The following TEX26 variants were observed in gnomAD, a reference collection of about 807,000 sequenced individuals.
TEX26 encodes the protein testis-expressed protein 26.
In TEX26, 34 loss-of-function variants were observed where a neutral mutation model predicts 35.3. That is an observed-to-expected ratio of 0.96 (90% CI 0.73 to 1.28). The LOEUF (loss-of-function observed/expected upper bound fraction) is 1.28, where lower values mean the gene tolerates loss of function less well. TEX26 is among the 50% of genes most tolerant of loss of function. TEX26 has a pLI of 0.00. For missense variants in TEX26, 371 were observed against 330.1 expected (o/e 1.12, Z -0.96); for synonymous variants, 136 against 111.8 (o/e 1.22, Z -1.36).
At chr13:30,942,398 T>G (rs1322589555) in intron 2 of TEX26, among the ~76,000 whole-genome samples, 1 of 152,140 alleles carries the variant, frequency 6.6e-6, no homozygotes, top group Admixed American at 6.5e-5. Context: ...TTTGAGTTCC[T>G]TGTAGATTTG....
Position 30,974,889 on chromosome 13 carries a change from T to C in TEX26, c.852T>C (p.Thr284=). ...IDRFIRTHCD[T]NKKKK ...GCTTTATTCGTACTCACTGTGACACTAACAAAAAGAAGAAATGAAAAGGGA... is the reference window on the plus strand; with the variant it reads ...GCTTTATTCGTACTCACTGTGACACCAACAAAAAGAAGAAATGAAAAGGGA... Residue 284 remains threonine, a synonymous_variant, in exon 7 of 7, where the codon ACT becomes ACC. Transcript: ENST00000380473. The C allele has an allele frequency of 6.4e-7, 1 of 1,564,926 alleles. No individual in the cohort carries two copies. Among genetic ancestry groups the C allele is most frequent in the Non-Finnish European group, 8.6e-7 (1 of 1,159,164 alleles).
intron 2 of TEX26, among the ~76,000 whole-genome samples, chr13:30,947,092 A>G (rs891968090): frequency 6.6e-6 from 1 of 152,140 alleles, no homozygotes; most frequent in Non-Finnish European, 1.5e-5. Context: ...ATTTTTAAAC[A>G]TGTTATATGA....
chr13:30,953,805 T>C (rs575395184), intron 3 of TEX26, among the ~76,000 whole-genome samples: 1 of 152,358 alleles, frequency 6.6e-6, no homozygotes, highest in East Asian at 1.9e-4. Context: ...AAGGTAATGC[T>C]TTGTTGTAGT....
chr13:30,948,096 T>A (rs1781584142), intron 2 of TEX26, among the ~76,000 whole-genome samples: 2 of 152,210 alleles, frequency 1.3e-5, no homozygotes, highest in South Asian at 4.1e-4. Flanking sequence ...TGTATAGTAT[T>A]CCATGGTGTA....
Position 30,968,892 on chromosome 13 carries a change from T to G in TEX26, c.654T>G (p.Ser218=). Residue 218 remains serine (S), a synonymous_variant, in exon 6 of 7, where the codon TCT becomes TCG. Transcript: ENST00000380473. ...CCCTGTGTATTTCTATAGTGCCTTC[T>G]GTGCTGCACAGCTACCTGAGGAACC... The part of the protein sequence containing the change: ...LPVASQGLVP[S]VLHSYLRNQE... 6.2e-7 allele frequency: 1 copy of G among 1,613,412 alleles called. No individual in the cohort carries two copies. Among genetic ancestry groups the G allele is most frequent in the African/African-American group, 1.3e-5 (1 of 75,042 alleles).
chr13:30,945,676 TA>T (rs1173687526), intron 2 of TEX26, among the ~76,000 whole-genome samples: 1 of 151,974 alleles, frequency 6.6e-6, no homozygotes, highest in Non-Finnish European at 1.5e-5. Flanking sequence ...AAAATGACTT[TA>T]TTTCCTCTTT....
chr13:30,960,277 A>C (rs1483836944), intron 4 of TEX26, among the ~76,000 whole-genome samples: 1 of 152,092 alleles, frequency 6.6e-6, no homozygotes, highest in Non-Finnish European at 1.5e-5. Flanking sequence ...TGGAGACAGA[A>C]TCTCCACCAG....
intron 4 of TEX26, among the ~76,000 whole-genome samples, chr13:30,961,271 T>C (rs1167580492): frequency 6.6e-6 from 1 of 152,182 alleles, no homozygotes; most frequent in Non-Finnish European, 1.5e-5. Context: ...AACTTCTAGT[T>C]AGGAAGGAAT....
chr13:30,952,881 A>C, intron 3 of TEX26, 56 bp downstream of exon 3: 5 of 1,451,424 alleles, frequency 3.4e-6, no homozygotes, highest in Non-Finnish European at 4.7e-6. Context: ...TCAACAACTC[A>C]TAAGAATGAG....
chr13:30,974,119 T>TAAAAA lies in TEX26; in HGVS notation c.809-718_809-714dup, dbSNP rs747590592. ...CTGGGCAATAGAGTGAGCCTCCATC[T>TAAAAA]AAAAAAAAAAAAATATATATATATA... On this transcript the variant is annotated intron_variant, in intron 6 of 6. Coordinates refer to ENST00000380473, the MANE Select transcript of TEX26 (RefSeq NM_152325.3). Among the ~76,000 whole-genome samples, 62 of 74,376 alleles carry TAAAAA rather than the reference T, an allele frequency of 8.3e-4. 1 individual carries two copies. Among genetic ancestry groups the TAAAAA allele is most frequent in the African/African-American group, 2.4e-3 (37 of 15,284 alleles). The allele number at this position is 74,376 out of a possible 152,430, so 48.8% of individuals were successfully genotyped here.
At chr13:30,974,533 A>T (rs1954820530) in intron 6 of TEX26, among the ~76,000 whole-genome samples, 2 of 152,134 alleles carry the variant, frequency 1.3e-5, no homozygotes, top group South Asian at 4.2e-4. Flanking sequence ...GAACTGAGGA[A>T]GTGGAGAGGT....
chr13:30,952,994 C>T (rs1207148605), intron 3 of TEX26, among the ~76,000 whole-genome samples, 169 bp downstream of exon 3: 1 of 152,108 alleles, frequency 6.6e-6, no homozygotes, highest in Non-Finnish European at 1.5e-5. Flanking sequence ...TTTCTAACCT[C>T]TTGTGTTCTA....
intron 6 of TEX26, among the ~76,000 whole-genome samples, chr13:30,971,359 G>A (rs1954705055): frequency 6.6e-6 from 1 of 152,120 alleles, no homozygotes; most frequent in Non-Finnish European, 1.5e-5. Flanking sequence ...TTATTTTACA[G>A]GATTATCTCT....
In TEX26 at chr13:30,957,598, C is replaced by A. The variant is rs569488306; in HGVS notation, c.469+569C>A. On this transcript the variant is annotated intron_variant, in intron 4 of 6. Transcript: ENST00000380473. ...AGAGTGAAGAATGGAGATGGCCCTT[C>A]AGGAAGAAGGTGGACAGGAGGAGGC... Among the ~76,000 whole-genome samples the A allele has an allele frequency of 3.5e-4, 53 of 152,260 alleles. 1 individual carries two copies. The South Asian group carries it at 0.011, about 31-fold the overall frequency.
At chr13:30,950,052 G>GA (rs1479558706) in intron 2 of TEX26, among the ~76,000 whole-genome samples, 3 of 151,930 alleles carry the variant, frequency 2.0e-5, no homozygotes, top group Non-Finnish European at 4.4e-5. Flanking sequence ...TACAAAATCT[G>GA]AAAAAAATAC....
intron 1 of TEX26, among the ~76,000 whole-genome samples, chr13:30,938,842 CCTT>C (rs1394708311): frequency 6.6e-6 from 1 of 152,198 alleles, no homozygotes; most frequent in Non-Finnish European, 1.5e-5. Context: ...ACTGGCTCCT[CCTT>C]CTCTCTCCAA....
At chr13:30,968,794 G>T in intron 5 of TEX26, 91 bp from the exon 6 acceptor site, 1 of 1,234,258 alleles carries the variant, frequency 8.1e-7, no homozygotes, top group East Asian at 2.3e-5. Context: ...CTGGGCTGGG[G>T]GCTGTCAGGG....
At chr13:30,946,890 T>C (rs926185979) in intron 2 of TEX26, among the ~76,000 whole-genome samples, 1 of 152,126 alleles carries the variant, frequency 6.6e-6, no homozygotes, top group African/African-American at 2.4e-5. Flanking sequence ...CCTGCCATGA[T>C]CTTTTAAATA....
rs528533369 is a variant in TEX26 at position 30,953,407 on chromosome 13, G to A, written c.312+582G>A. Reference sequence around the variant, plus strand: ...TATGAAGACTACCCATGTAGCATCCGTGTAGCAAATATCAGTACTTCCAGT... The same window carrying A: ...TATGAAGACTACCCATGTAGCATCCATGTAGCAAATATCAGTACTTCCAGT... On this transcript the variant is annotated intron_variant, in intron 3 of 6. Transcript: ENST00000380473. Among the ~76,000 whole-genome samples the A allele has an allele frequency of 5.3e-5, 8 of 152,332 alleles. No individual in the cohort carries two copies. The East Asian group carries it at 7.7e-4, about 15-fold the overall frequency.
Sources: gnomAD v4.1 joint callset for allele counts (sites outside exome capture counted in the v4.1 genomes callset) on GRCh38, gnomAD v4.1.1 for gene constraint, MANE v1.5 for transcripts, NCBI Gene and HGNC (gene_info 2026-07-23, HGNC 2026-07-21) for gene names.